ANXA1: variants seen among roughly 807,000 people sequenced by gnomAD.
The protein encoded by ANXA1 is annexin A1, also known as annexin I (lipocortin I).
In ANXA1, 39 loss-of-function variants were observed where a neutral mutation model predicts 47.9. The observed-to-expected ratio is 0.81, with a 90% CI of 0.63 to 1.06. The LOEUF is 1.06. Among genes scored for constraint, ANXA1 ranks in the 50% least tolerant of loss-of-function variants. The probability of loss-of-function intolerance (pLI) is 0.00; values close to 1 mark genes in which losing one functional copy is unlikely to be tolerated. For synonymous variants in ANXA1, 146 were observed against 142.5 expected (o/e 1.02, Z -0.17); for missense variants, 446 against 422.7 (o/e 1.06, Z -0.48).
At position 73,158,506 on chromosome 9, in the gene ANXA1, A is replaced by G. The variant is rs767215706; in HGVS notation, c.-14-16A>G. The G allele has an allele frequency of 1.2e-6, 2 of 1,605,676 alleles. No individual in the cohort carries two copies. The highest frequency in any genetic ancestry group is 1.7e-6 in the Non-Finnish European group (2 of 1,173,196). On this transcript the variant is annotated splice_polypyrimidine_tract_variant and intron_variant, in intron 1 of 12. Transcript: ENST00000257497. ...TGCATTTGTTTTGTAAAAGCATCTAACTGTTTTCTTTCCAGACACTTTTTC... is the reference window on the plus strand; with the variant it reads ...TGCATTTGTTTTGTAAAAGCATCTAGCTGTTTTCTTTCCAGACACTTTTTC...
intron 5 of ANXA1, 34 bp downstream of exon 5, chr9:73,160,410 C>A: frequency 6.9e-7 from 1 of 1,450,970 alleles, no homozygotes; most frequent in Non-Finnish European, 9.3e-7. Flanking sequence ...CTCCTTTCCT[C>A]AAGAGGATGT....
intron 1 of ANXA1, chr9:73,154,402 TCCC>T: frequency 7.8e-7 from 1 of 1,282,214 alleles, no homozygotes; most frequent in Non-Finnish European, 1.1e-6. Context: ...ATTCCCTCCC[TCCC>T]TTCTCTTTCT....
In ANXA1 at chr9:73,160,289, C is replaced by T. The variant is rs1824115815; in HGVS notation, c.297C>T (p.Ala99=). 6.4e-7 allele frequency: 1 copy of T among 1,574,350 alleles called. No individual in the cohort carries two copies. Among genetic ancestry groups the T allele is most frequent in the African/African-American group, 1.4e-5 (1 of 71,510 alleles). The stretch of plus-strand genomic sequence containing the variant: ...CCCTGGATGAAACACTGAAGAAAGC[C>T]CTTACAGGTCACCTTGAGGAGGTTG... ...GKPLDETLKK[A]LTGHLEEVVL... Residue 99 remains alanine, a synonymous_variant, in exon 5 of 13, where the codon GCC becomes GCT. Coordinates refer to ENST00000257497, the MANE Select transcript of ANXA1 (RefSeq NM_000700.3).
intron 9 of ANXA1, chr9:73,165,523 G>T: frequency 6.9e-6 from 1 of 145,112 alleles, no homozygotes; most frequent in East Asian, 1.7e-4. Context: ...AAATTAGAAT[G>T]AAGAAAAACA....
intron 1 of ANXA1, among the ~76,000 whole-genome samples, chr9:73,155,619 T>C (rs990344854): frequency 1.3e-5 from 2 of 152,206 alleles, no homozygotes; most frequent in Non-Finnish European, 2.9e-5. Flanking sequence ...ATTTCTTATA[T>C]CCTGCCTTGA....
intron 1 of ANXA1, chr9:73,158,313 A>G: frequency 4.1e-6 from 2 of 486,858 alleles, no homozygotes; most frequent in Non-Finnish European, 7.5e-6. Flanking sequence ...AATTTCAGAG[A>G]GGAGGGTATG....
intron 1 of ANXA1, among the ~76,000 whole-genome samples, chr9:73,156,537 C>T (rs1413033584): frequency 1.3e-5 from 2 of 152,192 alleles, no homozygotes; most frequent in Non-Finnish European, 2.9e-5. Context: ...GTTCTTCTCA[C>T]AGATGACAGA....
In ANXA1 at chr9:73,169,287, T is replaced by G. The variant is rs971784212; in HGVS notation, c.984+133T>G. 1.0e-5 allele frequency: 10 copies of G among 963,380 alleles called. No homozygotes were observed. In the African/African-American group the frequency reaches 1.2e-4, roughly 12 times the overall value. The allele number at this position is 963,380 out of a possible 1,614,324, so 59.7% of individuals were successfully genotyped here. A position where few individuals can be genotyped will look rare whatever the true frequency, so the allele number is the denominator to read the frequency against. ...TAATTTAATATATTATGGTGTATAC[T>G]TCATGAGTAAATTGAACTTTCACTG... On this transcript the variant is annotated intron_variant, in intron 12 of 12. Transcript: ENST00000257497.
chr9:73,159,538 A>C, intron 4 of ANXA1, 115 bp downstream of exon 4: 1 of 777,862 alleles, frequency 1.3e-6, no homozygotes, highest in South Asian at 1.9e-5. Context: ...TTCTCATTAC[A>C]TCTATGATTG....
chr9:73,154,627 C>G (rs1468539600), intron 1 of ANXA1, among the ~76,000 whole-genome samples: 1 of 152,040 alleles, frequency 6.6e-6, no homozygotes, highest in South Asian at 2.1e-4. Flanking sequence ...TTGGTAGAGA[C>G]GGGGTTTCGC....
At chr9:73,163,695 C>A (rs1824181892) in intron 8 of ANXA1, among the ~76,000 whole-genome samples, 163 bp downstream of exon 8, 1 of 152,044 alleles carries the variant, frequency 6.6e-6, no homozygotes, top group Admixed American at 6.6e-5. Flanking sequence ...CCCCCACACA[C>A]AAAAAAGTAG....
intron 3 of ANXA1, among the ~76,000 whole-genome samples, chr9:73,159,103 G>A (rs1028084061): frequency 6.6e-6 from 1 of 152,176 alleles, no homozygotes; most frequent in Non-Finnish European, 1.5e-5. Flanking sequence ...GCAACACTGA[G>A]GGCCAGGAAA....
At chr9:73,160,548 A>G (rs1206102326) in intron 5 of ANXA1, among the ~76,000 whole-genome samples, 172 bp downstream of exon 5, 1 of 152,196 alleles carries the variant, frequency 6.6e-6, no homozygotes, top group Non-Finnish European at 1.5e-5. Flanking sequence ...GAAAACAGAA[A>G]TGTTGGCACT....
chr9:73,162,990 A>G (rs1331579295), intron 7 of ANXA1, 129 bp downstream of exon 7: 23 of 754,448 alleles, frequency 3.0e-5, no homozygotes, highest in Non-Finnish European at 4.9e-5. Flanking sequence ...TATTTGGCTC[A>G]GGATTCTGAT....
chr9:73,164,087 C>A (rs1322496877), intron 8 of ANXA1, among the ~76,000 whole-genome samples: 1 of 152,032 alleles, frequency 6.6e-6, no homozygotes, highest in African/African-American at 2.4e-5. Context: ...TAAGAAAAAT[C>A]ATATCATTTT....
rs181802457 is a variant in ANXA1 at position 73,167,565 on chromosome 9, A to G, written c.861+10A>G. 104 of 1,612,336 alleles carry G rather than the reference A, an allele frequency of 6.5e-5. No individual in the cohort carries two copies. In the African/African-American group the frequency reaches 1.1e-3, roughly 17 times the overall value. On this transcript the variant is annotated intron_variant, in intron 11 of 12. Transcript: ENST00000257497. ...TCATCAAGCCATGAAAGTATGTACC[A>G]TTCTACTTATATGTCCTGCTTAGAG...
intron 3 of ANXA1, 40 bp downstream of exon 3, chr9:73,158,843 C>A (rs1185353704): frequency 6.8e-7 from 1 of 1,480,988 alleles, no homozygotes; most frequent in Non-Finnish European, 9.4e-7. Flanking sequence ...CTGGACATTT[C>A]AGAATGGCTA....
At chr9:73,168,332 G>A (rs1007671944) in intron 11 of ANXA1, 6 of 152,124 alleles carry the variant, frequency 3.9e-5, no homozygotes, top group Non-Finnish European at 5.9e-5. Context: ...ATATTTCGTT[G>A]GGTAATGATG....
intron 1 of ANXA1, among the ~76,000 whole-genome samples, chr9:73,155,589 A>C (rs760717449): frequency 1.3e-5 from 2 of 152,156 alleles, no homozygotes; most frequent in Non-Finnish European, 2.9e-5. Flanking sequence ...TATGTGATAA[A>C]ATCTGTTTCC....
Sources: allele counts gnomAD v4.1 joint callset (sites outside exome capture counted in the v4.1 genomes callset), GRCh38; gene constraint gnomAD v4.1.1; transcripts MANE v1.5; gene names NCBI Gene and HGNC (gene_info 2026-07-23, HGNC 2026-07-21).